Variants in SORCS1 observed in about 807,000 individuals in gnomAD.
The protein encoded by SORCS1 is VPS10 domain-containing receptor SorCS1.
Under a neutral mutation model 146.1 loss-of-function variants are expected in SORCS1, and 60 were observed. That is an observed-to-expected ratio of 0.41 (90% CI 0.33 to 0.51). The LOEUF is 0.51. Ranked by LOEUF, SORCS1 falls within the 20% of genes least tolerant of loss-of-function variation. The pLI is 0.21. For missense variants in SORCS1, 1,352 were observed against 1,487.6 expected (o/e 0.91, Z 1.50); for synonymous variants, 637 against 584.0 (o/e 1.09, Z -1.31).
At chr10:107,156,041 C>T (rs1055625545) in intron 1 of SORCS1, among the ~76,000 whole-genome samples, 3 of 152,080 alleles carry the variant, frequency 2.0e-5, no homozygotes, top group Admixed American at 1.3e-4. Context: ...TCAACCCAAA[C>T]AGCATCATGG....
At position 106,790,009 on chromosome 10, in the gene SORCS1, C is replaced by T. The variant is rs150905187; in HGVS notation, c.727-13317G>A. On this transcript the variant is annotated intron_variant, in intron 3 of 25. Transcript: ENST00000263054. ...CCATCAGATCTCTTGAGAACTCACTCACTATCATGAGAATAGTTAGGGTCG... is the reference window on the plus strand; with the variant it reads ...CCATCAGATCTCTTGAGAACTCACTTACTATCATGAGAATAGTTAGGGTCG... 3.2e-4 allele frequency among the ~76,000 whole-genome samples: 49 copies of T among 152,320 alleles called. 2 individuals are homozygous for T. In the East Asian group the frequency reaches 9.3e-3, roughly 29 times the overall value.
chr10:106,753,997 A>G (rs553101187), intron 5 of SORCS1, among the ~76,000 whole-genome samples: 1 of 152,330 alleles, frequency 6.6e-6, no homozygotes, highest in East Asian at 1.9e-4. Flanking sequence ...TCCTCTGAAA[A>G]AGAGGACTGA....
chr10:106,777,135 C>T (rs1013914954), intron 3 of SORCS1, among the ~76,000 whole-genome samples: 2 of 152,086 alleles, frequency 1.3e-5, no homozygotes, highest in Non-Finnish European at 2.9e-5. Context: ...TTCCCTACCT[C>T]GAATCTTTTC....
chr10:106,777,914 T>C (rs762347329), intron 3 of SORCS1, among the ~76,000 whole-genome samples: 5 of 152,172 alleles, frequency 3.3e-5, no homozygotes, highest in African/African-American at 9.7e-5. Context: ...ATGTGTTTAA[T>C]GTGTTGCTGT....
At chr10:106,930,116 T>TA (rs1463248648) in intron 2 of SORCS1, among the ~76,000 whole-genome samples, 2 of 151,828 alleles carry the variant, frequency 1.3e-5, no homozygotes, top group African/African-American at 4.8e-5. Context: ...CCGTCTCTAC[T>TA]AAAAAAAGTA....
intron 2 of SORCS1, among the ~76,000 whole-genome samples, chr10:106,832,709 T>G (rs1304963479): frequency 6.6e-6 from 1 of 152,006 alleles, no homozygotes; most frequent in African/African-American, 2.4e-5. Flanking sequence ...GGGAGAAGAA[T>G]GAAACATGTA....
intron 1 of SORCS1, among the ~76,000 whole-genome samples, chr10:107,149,999 A>G (rs752006382): frequency 6.6e-6 from 1 of 152,052 alleles, no homozygotes; most frequent in Non-Finnish European, 1.5e-5. Context: ...CTTACCTCCC[A>G]CTCAGGCAAA....
chr10:106,818,367 G>A (rs1425199449), intron 3 of SORCS1, among the ~76,000 whole-genome samples: 2 of 138,682 alleles, frequency 1.4e-5, no homozygotes, highest in Admixed American at 7.2e-5. Context: ...TGGGTCATGA[G>A]GATTTTTTTT....
At chr10:106,855,900 A>G (rs1479225066) in intron 2 of SORCS1, among the ~76,000 whole-genome samples, 1 of 152,120 alleles carries the variant, frequency 6.6e-6, no homozygotes, top group African/African-American at 2.4e-5. Context: ...TTTAATCTTT[A>G]GAAACTGGAT....
chr10:106,637,649 A>G (rs1288888084), intron 18 of SORCS1, among the ~76,000 whole-genome samples: 1 of 152,244 alleles, frequency 6.6e-6, no homozygotes, highest in Non-Finnish European at 1.5e-5. Flanking sequence ...TGTCAAGACC[A>G]TGAATTTCAG....
intron 1 of SORCS1, among the ~76,000 whole-genome samples, chr10:107,127,369 C>T (rs543647070): frequency 6.6e-6 from 1 of 152,168 alleles, no homozygotes; most frequent in South Asian, 2.1e-4. Context: ...TTTGGGCCTC[C>T]ATAGGTCTGG....
intron 2 of SORCS1, among the ~76,000 whole-genome samples, chr10:106,899,111 G>A (rs1319138290): frequency 1.3e-5 from 2 of 152,136 alleles, no homozygotes; most frequent in African/African-American, 4.8e-5. Flanking sequence ...GTAGAACGTG[G>A]TAGTGCTGAG....
intron 2 of SORCS1, among the ~76,000 whole-genome samples, chr10:106,885,568 G>T (rs898252102): frequency 6.6e-6 from 1 of 152,138 alleles, no homozygotes; most frequent in African/African-American, 2.4e-5. Flanking sequence ...GCTATCTGGA[G>T]GACAGTGAAG....
At chr10:106,624,423 C>T (rs1329309003) in intron 19 of SORCS1, among the ~76,000 whole-genome samples, 7 of 122,194 alleles carry the variant, frequency 5.7e-5, no homozygotes, top group African/African-American at 1.6e-4. Context: ...TGCAGTGGCA[C>T]GATCTTGGCT....
intron 3 of SORCS1, among the ~76,000 whole-genome samples, chr10:106,790,968 A>G (rs2136513189): frequency 6.6e-6 from 1 of 152,380 alleles, no homozygotes; most frequent in Middle Eastern, 3.4e-3. Context: ...GAATAAAAGA[A>G]CAATCACTTA....
chr10:106,797,497 T>A (rs1946630049), intron 3 of SORCS1, among the ~76,000 whole-genome samples: 1 of 151,540 alleles, frequency 6.6e-6, no homozygotes, highest in Non-Finnish European at 1.5e-5. Flanking sequence ...CCTTTTCCAA[T>A]TTAGTCTCTT....
intron 1 of SORCS1, among the ~76,000 whole-genome samples, chr10:106,998,089 C>T (rs1957073362): frequency 6.6e-6 from 1 of 152,238 alleles, no homozygotes; most frequent in South Asian, 2.1e-4. Flanking sequence ...GCAAAGCCTC[C>T]TTGTGCGAAT....
chr10:106,688,433 G>A (rs990293730), intron 9 of SORCS1, 95 bp from the exon 10 acceptor site: 8 of 1,441,070 alleles, frequency 5.6e-6, no homozygotes, highest in Non-Finnish European at 7.5e-6. Context: ...AGTCAGCTGA[G>A]AGCACTTGCC....
At chr10:106,714,540 T>C (rs969220615) in intron 6 of SORCS1, among the ~76,000 whole-genome samples, 18 of 152,192 alleles carry the variant, frequency 1.2e-4, no homozygotes, top group African/African-American at 4.1e-4. Context: ...GACTTTTCTG[T>C]GTATCTAAAA....
Sources: gnomAD v4.1 joint callset for allele counts (sites outside exome capture counted in the v4.1 genomes callset) on GRCh38, gnomAD v4.1.1 for gene constraint, MANE v1.5 for transcripts, NCBI Gene and HGNC (gene_info 2026-07-23, HGNC 2026-07-21) for gene names.